The following TCF20 variants were observed in gnomAD, a reference collection of about 807,000 sequenced individuals.
TCF20 encodes the protein transcription factor 20, also known as SPRE-binding protein.
TCF20 carries 3 observed loss-of-function variants against 148.6 expected under a neutral mutation model. The observed-to-expected ratio is 0.02, with a 90% CI of 0.01 to 0.05. TCF20 has a LOEUF of 0.05. TCF20 is among the 10% of genes least tolerant of loss of function. The pLI, the probability that TCF20 is intolerant of heterozygous loss-of-function variation, is 1.00. For missense variants in TCF20, 2,350 were observed against 2,429.3 expected (o/e 0.97, Z 0.69); for synonymous variants, 1,049 against 909.5 (o/e 1.15, Z -2.76).
intron 1 of TCF20, among the ~76,000 whole-genome samples, chr22:42,256,138 T>C (rs953400318): frequency 6.6e-6 from 1 of 152,144 alleles, no homozygotes; most frequent in Non-Finnish European, 1.5e-5. Context: ...CCATACTTGA[T>C]CAGGAGGGAG....
intron 1 of TCF20, among the ~76,000 whole-genome samples, chr22:42,323,902 G>GTT (rs1569209663): frequency 4.8e-5 from 2 of 41,840 alleles, no homozygotes; most frequent in Non-Finnish European, 1.1e-4. Flanking sequence ...TATGGTGGTG[G>GTT]AGGTGGTGGT....
intron 1 of TCF20, among the ~76,000 whole-genome samples, chr22:42,259,809 C>G (rs1210967288): frequency 1.3e-5 from 2 of 152,068 alleles, no homozygotes; most frequent in African/African-American, 2.4e-5. Context: ...GCATGCTTAA[C>G]CCTGAGAGGA....
chr22:42,212,756 C>T lies in TCF20; in HGVS notation c.2550G>A (p.Gln850=), dbSNP rs1169604052. The change falls in exon 2 of 6, where the codon CAG becomes CAA. Residue 850 remains glutamine, a synonymous_variant. Transcript: ENST00000677622. The part of the protein sequence containing the change: ...PIPRKFEIEP[Q]SSAHEPGGSL... Reference sequence around the variant, plus strand: ...AACCCCCAGGCTCATGTGCTGATGACTGAGGCTCTATTTCAAACTTTCTGG... The same window carrying T: ...AACCCCCAGGCTCATGTGCTGATGATTGAGGCTCTATTTCAAACTTTCTGG... 1 of 1,614,226 alleles carries T rather than the reference C, an allele frequency of 6.2e-7. No individual in the cohort carries two copies. Among genetic ancestry groups the T allele is most frequent in the Middle Eastern group, 1.6e-4 (1 of 6,062 alleles).
intron 1 of TCF20, among the ~76,000 whole-genome samples, chr22:42,324,034 GAGGTTA>G (rs1927809849): frequency 1.5e-5 from 2 of 136,284 alleles, no homozygotes; most frequent in Non-Finnish European, 3.3e-5. Context: ...GGTGGTGATG[GAGGTTA>G]TGGTGGTGGT....
In TCF20 at chr22:42,339,997, T is replaced by A. The variant is rs1010096051; in HGVS notation, c.-37+3482A>T. Among the ~76,000 whole-genome samples the A allele has an allele frequency of 2.6e-5, 4 of 152,296 alleles. No individual in the cohort carries two copies. The East Asian group carries it at 5.8e-4, about 22-fold the overall frequency. On this transcript the variant is annotated intron_variant, in intron 1 of 1. Coordinates refer to the TCF20 transcript ENST00000515426. ...AAAGCTCCCCCTGCTCCTGACCTGG[T>A]CAACAGCTGGGTCAGGGGGTAGGGG...
chr22:42,316,528 G>A (rs889235448), intron 1 of TCF20, among the ~76,000 whole-genome samples: 9 of 152,136 alleles, frequency 5.9e-5, no homozygotes, highest in Admixed American at 5.9e-4. Flanking sequence ...TCCTCCACCT[G>A]CCAGGTTCAA....
At chr22:42,183,118 G>A (rs890664265) in intron 2 of TCF20, among the ~76,000 whole-genome samples, 1 of 152,144 alleles carries the variant, frequency 6.6e-6, no homozygotes, top group Admixed American at 6.5e-5. Context: ...GCAGTTTGAG[G>A]ACCACTGGTC....
intron 1 of TCF20, among the ~76,000 whole-genome samples, chr22:42,244,645 G>T (rs1256015349): frequency 6.6e-6 from 1 of 152,180 alleles, no homozygotes; most frequent in Non-Finnish European, 1.5e-5. Context: ...GAGGGCAAGG[G>T]GAGTAACTGC....
rs1342266093 is a variant in TCF20 at position 42,212,339 on chromosome 22, C to A, written c.2967G>T (p.Arg989=). The A allele has an allele frequency of 6.2e-7, 1 of 1,614,222 alleles. No homozygotes were observed. Among genetic ancestry groups the A allele is most frequent in the South Asian group, 1.1e-5 (1 of 91,090 alleles). ...GPQDSRPTPM[R]RVPGRVGGRE... is the part of the protein sequence containing the mutation. ...GACCACCAACTCTGCCAGGGACCCGCCGCATTGGCGTGGGTCTGCTGTCTT... is the reference window on the plus strand; with the variant it reads ...GACCACCAACTCTGCCAGGGACCCGACGCATTGGCGTGGGTCTGCTGTCTT... The change falls in exon 2 of 6, where the codon CGG becomes CGT. Residue 989 remains arginine (R), a synonymous_variant. Transcript: ENST00000677622.
chr22:42,234,964 C>T (rs1454150087), intron 1 of TCF20, among the ~76,000 whole-genome samples: 1 of 151,928 alleles, frequency 6.6e-6, no homozygotes, highest in East Asian at 1.9e-4. Context: ...CATGGTGAAA[C>T]CCCACCTCTA....
chr22:42,228,334 C>T (rs1426984034), intron 1 of TCF20, among the ~76,000 whole-genome samples: 1 of 152,202 alleles, frequency 6.6e-6, no homozygotes, highest in African/African-American at 2.4e-5. Flanking sequence ...GTCATAACAA[C>T]AATGATAAAC....
chr22:42,199,994 T>A (rs142097116), intron 2 of TCF20, among the ~76,000 whole-genome samples: 1 of 152,238 alleles, frequency 6.6e-6, no homozygotes, highest in Admixed American at 6.5e-5. Context: ...ACAGACCTCA[T>A]GATTTCCTAT....
At chr22:42,218,056 A>G (rs1921984645) in intron 1 of TCF20, among the ~76,000 whole-genome samples, 1 of 152,228 alleles carries the variant, frequency 6.6e-6, no homozygotes, top group South Asian at 2.1e-4. Context: ...GTGAATCTGC[A>G]GGGCAGTAGG....
chr22:42,321,215 G>A (rs1569208943), intron 1 of TCF20, among the ~76,000 whole-genome samples: 2 of 152,220 alleles, frequency 1.3e-5, no homozygotes, highest in Admixed American at 6.5e-5. Context: ...CCAGACAGGC[G>A]GCACTTCAGG....
At chr22:42,313,253 G>A (rs553906754) in intron 1 of TCF20, among the ~76,000 whole-genome samples, 2 of 152,188 alleles carry the variant, frequency 1.3e-5, no homozygotes, top group Admixed American at 1.3e-4. Context: ...TGCACAGTAG[G>A]GTCTCAACCC....
intron 5 of TCF20, among the ~76,000 whole-genome samples, chr22:42,161,667 C>T (rs1935467529): frequency 6.6e-6 from 1 of 152,354 alleles, no homozygotes; most frequent in East Asian, 1.9e-4. Flanking sequence ...ACTCCCTGAC[C>T]TCAGGGCAGG....
At chr22:42,243,764 G>C (rs1009760222) in intron 1 of TCF20, among the ~76,000 whole-genome samples, 4 of 152,104 alleles carry the variant, frequency 2.6e-5, no homozygotes. Context: ...CTCTCTTATT[G>C]CTCATTTTTT....
rs73886008 is a variant in TCF20, at chr22:42,280,585, A to C, written c.-37+3242T>G. On this transcript the variant is annotated intron_variant, in intron 1 of 5. Transcript: ENST00000359486. ...GGTGGGGAGAGACTATTAAGCTAAT[A>C]CATAGTTAGGCAACTAGAACACAGC... is the stretch of plus-strand genomic sequence containing the variant. Among the ~76,000 whole-genome samples, 549 of 152,314 alleles carry C rather than the reference A, an allele frequency of 3.6e-3. 1 individual carries two copies. Among genetic ancestry groups the C allele is most frequent in the African/African-American group, 0.013 (527 of 41,556 alleles).
chr22:42,227,626 C>G (rs1923033318), intron 1 of TCF20, among the ~76,000 whole-genome samples: 1 of 152,224 alleles, frequency 6.6e-6, no homozygotes, highest in Non-Finnish European at 1.5e-5. Context: ...GTCCAGGAGT[C>G]TACCCCAGAG....
Sources: allele counts gnomAD v4.1 joint callset (sites outside exome capture counted in the v4.1 genomes callset), GRCh38; gene constraint gnomAD v4.1.1; transcripts MANE v1.5; gene names NCBI Gene and HGNC (gene_info 2026-07-23, HGNC 2026-07-21).